Variants in PARD3B observed in about 807,000 individuals in gnomAD.
PARD3B encodes par-3 family cell polarity regulator beta, also known as partitioning defective 3 homolog B.
PARD3B carries 103 observed loss-of-function variants against 130.2 expected under a neutral mutation model. The ratio of observed to expected loss-of-function variants is 0.79; its 90% CI spans 0.67 to 0.93. PARD3B has a LOEUF of 0.93. Ranked by LOEUF, PARD3B falls within the 40% of genes least tolerant of loss-of-function variation. The probability of loss-of-function intolerance (pLI) is 0.00; values close to 1 mark genes in which losing one functional copy is unlikely to be tolerated. For missense variants in PARD3B, 1,609 were observed against 1,499.2 expected, an observed-to-expected ratio of 1.07 and a Z score of -1.21; for synonymous variants, 583 against 553.2, an observed-to-expected ratio of 1.05 and a Z score of -0.76.
intron 20 of PARD3B, among the ~76,000 whole-genome samples, chr2:205,477,518 A>G (rs2049066946): frequency 6.6e-6 from 1 of 152,202 alleles, no homozygotes; most frequent in South Asian, 2.1e-4. Context: ...TTTTAACAAA[A>G]GCAATAAAAT....
Position 205,321,500 on chromosome 2 carries a change from G to A in PARD3B, c.2630+19799G>A, listed in dbSNP as rs1054828046. Reference sequence around the variant, plus strand: ...TTTCCCTCTCTCTCTCTCTCCCCCCGCCCATATGAATGTATATGCACAAAT... The same window carrying A: ...TTTCCCTCTCTCTCTCTCTCCCCCCACCCATATGAATGTATATGCACAAAT... On this transcript the variant is annotated intron_variant, in intron 18 of 22. Transcript: ENST00000406610. This position sits in a 1 kb window ranked among gnomAD's most constrained non-coding sequence, Gnocchi z 4.2. Among the ~76,000 whole-genome samples, 18 of 147,212 alleles carry A rather than the reference G, an allele frequency of 1.2e-4. No homozygotes were observed. Among genetic ancestry groups the A allele is most frequent in the Non-Finnish European group, 1.5e-4 (10 of 66,850 alleles).
intron 2 of PARD3B, among the ~76,000 whole-genome samples, chr2:204,922,134 G>T (rs2047704287): frequency 6.6e-6 from 1 of 152,040 alleles, no homozygotes; most frequent in Admixed American, 6.6e-5. Context: ...ATATCTAAAT[G>T]GCAAAGAACA....
At chr2:205,068,421 A>G (rs1404605931) in intron 4 of PARD3B, among the ~76,000 whole-genome samples, 1 of 152,134 alleles carries the variant, frequency 6.6e-6, no homozygotes, top group Non-Finnish European at 1.5e-5. Flanking sequence ...CTTAGTAGAC[A>G]TTTGTCTATA....
intron 2 of PARD3B, among the ~76,000 whole-genome samples, chr2:204,841,706 A>G (rs2044265037): frequency 6.6e-6 from 1 of 152,138 alleles, no homozygotes; most frequent in African/African-American, 2.4e-5. Flanking sequence ...TGAAAATAAT[A>G]TTCTCTTTTC....
rs566070153 is a variant in PARD3B at position 204,823,767 on chromosome 2, G to A, written c.222+137485G>A. ...CCAGCTGGACCAGTATGGTGAAACC[G>A]TTTCTCTACTAATAATACAAAAATT... On this transcript the variant is annotated intron_variant, in intron 2 of 22. Coordinates refer to ENST00000406610, the MANE Select transcript of PARD3B (RefSeq NM_001302769.2). Among the ~76,000 whole-genome samples, 18 of 151,986 alleles carry A rather than the reference G, an allele frequency of 1.2e-4. No individual in the cohort carries two copies. The South Asian group carries it at 1.3e-3, about 11-fold the overall frequency.
At chr2:205,046,004 A>C (rs1001218659) in intron 3 of PARD3B, among the ~76,000 whole-genome samples, 1 of 152,122 alleles carries the variant, frequency 6.6e-6, no homozygotes, top group Non-Finnish European at 1.5e-5. Context: ...TGGCCTGATT[A>C]AATGCTTGGA....
intron 18 of PARD3B, among the ~76,000 whole-genome samples, chr2:205,399,641 C>T (rs2046175211): frequency 6.6e-6 from 1 of 152,078 alleles, no homozygotes; most frequent in Admixed American, 6.5e-5. Context: ...AGGCGTGAGC[C>T]ACCACACCCA....
chr2:205,353,447 C>A (rs1242379017), intron 18 of PARD3B, among the ~76,000 whole-genome samples: 1 of 152,138 alleles, frequency 6.6e-6, no homozygotes, highest in Non-Finnish European at 1.5e-5. Flanking sequence ...ATAGTTCCAT[C>A]AACATGAAGC....
intron 3 of PARD3B, among the ~76,000 whole-genome samples, chr2:205,017,977 C>G (rs997940912): frequency 6.6e-6 from 1 of 152,162 alleles, no homozygotes; most frequent in Non-Finnish European, 1.5e-5. Context: ...TTAAATAACA[C>G]TGGAAGATAA....
In PARD3B at chr2:204,673,197, CTG is replaced by C. The variant is rs1180246321; in HGVS notation, c.121-12982_121-12981del. Among the ~76,000 whole-genome samples, 10 of 152,200 alleles carry C rather than the reference CTG, an allele frequency of 6.6e-5. No individual in the cohort carries two copies. Among genetic ancestry groups the C allele is most frequent in the African/African-American group, 1.9e-4 (8 of 41,458 alleles). On this transcript the variant is annotated intron_variant, in intron 1 of 22. Transcript: ENST00000406610. The surrounding 1 kb of genome is among the most constrained non-coding windows in gnomAD (Gnocchi z 4.7). Reference sequence around the variant, plus strand: ...CACATGCCCAGCCAATCCTGCTGTGCTGTACATCAGCAGTTTGGAAAAACCAT... The same window carrying C: ...CACATGCCCAGCCAATCCTGCTGTGCTACATCAGCAGTTTGGAAAAACCAT...
At chr2:205,284,482 A>G (rs2041310458) in intron 16 of PARD3B, among the ~76,000 whole-genome samples, 1 of 152,198 alleles carries the variant, frequency 6.6e-6, no homozygotes, top group African/African-American at 2.4e-5. Context: ...TGACTGCTGC[A>G]GTCCTCTAAA....
chr2:205,489,522 T>TATATACGCATATATATAC (rs1559141351), intron 20 of PARD3B, among the ~76,000 whole-genome samples: 1 of 126,416 alleles, frequency 7.9e-6, no homozygotes, highest in Non-Finnish European at 1.7e-5. Context: ...TATATATATA[T>TATATACGCATATATATAC]ACACACATAT....
chr2:204,596,183 C>G (rs988371780), intron 1 of PARD3B, among the ~76,000 whole-genome samples: 12 of 152,046 alleles, frequency 7.9e-5, no homozygotes, highest in African/African-American at 2.7e-4. Context: ...CCATGATTTC[C>G]TCCTTTTTTG....
intron 22 of PARD3B, among the ~76,000 whole-genome samples, chr2:205,608,634 A>G (rs1471086967): frequency 4.6e-5 from 7 of 152,184 alleles, no homozygotes; most frequent in Admixed American, 3.3e-4. Context: ...CTCATAAAGG[A>G]AATTATTTTA....
Position 205,416,210 on chromosome 2 carries a change from C to A in PARD3B, c.2741+15087C>A, listed in dbSNP as rs148967658. Among the ~76,000 whole-genome samples the A allele has an allele frequency of 4.0e-3, 604 of 151,986 alleles. 8 individuals carry two copies. The highest frequency in any genetic ancestry group is 0.013 in the African/African-American group (556 of 41,476). On this transcript the variant is annotated intron_variant, in intron 19 of 22. Coordinates refer to ENST00000406610, the MANE Select transcript of PARD3B (RefSeq NM_001302769.2). The stretch of plus-strand genomic sequence containing the variant: ...TGAGAATACCTTTAATGCTGTGACC[C>A]TGGGTGTGCCTGCATGTGTGTGTGT...
intron 21 of PARD3B, among the ~76,000 whole-genome samples, chr2:205,507,196 ATTTTTTTTTTTTTTTTTT>A (rs71410819): frequency 1.4e-3 from 36 of 25,194 alleles, no homozygotes; most frequent in East Asian, 4.5e-3. Flanking sequence ...CAGGTGCAGT[ATTTTTTTTTTTTTTTTTT>A]TTTTTTTTTT....
intron 2 of PARD3B, among the ~76,000 whole-genome samples, chr2:204,705,036 A>C (rs1474173690): frequency 2.0e-5 from 3 of 152,178 alleles, no homozygotes; most frequent in African/African-American, 7.2e-5. Flanking sequence ...TTTGGGCACA[A>C]AAGAAGGAAG....
At chr2:205,561,862 T>C (rs1467527385) in intron 22 of PARD3B, among the ~76,000 whole-genome samples, 1 of 152,186 alleles carries the variant, frequency 6.6e-6, no homozygotes, top group Admixed American at 6.5e-5. Flanking sequence ...GAAGCTCTTT[T>C]ACCCCACCAA....
At chr2:204,893,863 A>T (rs2046540600) in intron 2 of PARD3B, among the ~76,000 whole-genome samples, 1 of 152,172 alleles carries the variant, frequency 6.6e-6, no homozygotes, top group Non-Finnish European at 1.5e-5. Context: ...AAAGTAAAGC[A>T]GAATAACTTT....
Sources: gnomAD v4.1 joint callset for allele counts (sites outside exome capture counted in the v4.1 genomes callset) on GRCh38, gnomAD v4.1.1 for gene constraint, Gnocchi (gnomAD v3.1) non-coding constraint, MANE v1.5 for transcripts, NCBI Gene and HGNC (gene_info 2026-07-23, HGNC 2026-07-21) for gene names.